SLC49A4: variants seen among roughly 807,000 people sequenced by gnomAD.
SLC49A4 encodes the protein disrupted in renal cancer protein 2.
A neutral mutation model predicts 50.6 loss-of-function variants in SLC49A4; 36 were observed. The ratio of observed to expected loss-of-function variants is 0.71; its 90% confidence interval spans 0.55 to 0.94. The LOEUF (loss-of-function observed/expected upper bound fraction) is 0.94, where lower values mean the gene tolerates loss of function less well. SLC49A4 is among the 40% of genes least tolerant of loss of function. The pLI is 0.00. For synonymous variants in SLC49A4, 248 were observed against 241.2 expected (o/e 1.03, Z -0.26); for missense variants, 503 against 605.7 (o/e 0.83, Z 1.78).
chr3:122,817,299 C>T (rs914442607), intron 2 of SLC49A4, among the ~76,000 whole-genome samples: 26 of 152,100 alleles, frequency 1.7e-4, no homozygotes, highest in Non-Finnish European at 3.5e-4. Context: ...AGGAAGAGGG[C>T]CCTGAGCCAA....
At chr3:122,809,421 C>T (rs1936266716) in intron 2 of SLC49A4, among the ~76,000 whole-genome samples, 1 of 152,102 alleles carries the variant, frequency 6.6e-6, no homozygotes, top group African/African-American at 2.4e-5. Flanking sequence ...ACACTGCTTT[C>T]TTTTAAAATG....
chr3:122,806,881 C>T lies in SLC49A4; in HGVS notation c.368C>T (p.Thr123Ile), dbSNP rs1373440447. ...KRGLRITVLL[T>I]SFLMVLGTGL... is the part of the protein sequence containing the mutation. ...GGTCTCCGGATAACTGTGCTCCTGA[C>T]ATCCTTCCTTATGGTTTTGGGAACT... Residue 123 changes from threonine (T) to isoleucine (I), a missense_variant, in exon 2 of 9, where the codon ACA becomes ATA. Transcript: ENST00000261038. 6 of 1,609,586 alleles carry T rather than the reference C, an allele frequency of 3.7e-6. No homozygotes were observed. Among genetic ancestry groups the T allele is most frequent in the Non-Finnish European group, 4.3e-6 (5 of 1,176,162 alleles).
intron 5 of SLC49A4, among the ~76,000 whole-genome samples, chr3:122,846,734 G>A (rs1936858573): frequency 6.6e-6 from 1 of 152,202 alleles, no homozygotes; most frequent in South Asian, 2.1e-4. Flanking sequence ...TAGCTGTGCA[G>A]TTGTATGCCA....
chr3:122,828,899 C>T (rs945867883), intron 3 of SLC49A4, among the ~76,000 whole-genome samples: 1 of 151,990 alleles, frequency 6.6e-6, no homozygotes, highest in Non-Finnish European at 1.5e-5. Context: ...TGATGTTAAG[C>T]ACTGTTAAGC....
chr3:122,865,358 A>G (rs1334908135), intron 7 of SLC49A4, among the ~76,000 whole-genome samples: 1 of 152,196 alleles, frequency 6.6e-6, no homozygotes, highest in Non-Finnish European at 1.5e-5. Context: ...GCGTTCCATG[A>G]TTTAATAGTA....
chr3:122,824,808 C>T (rs1936504483), intron 2 of SLC49A4, among the ~76,000 whole-genome samples: 1 of 145,554 alleles, frequency 6.9e-6, no homozygotes, highest in Non-Finnish European at 1.5e-5. Context: ...TCTCTGCTCA[C>T]TGCAACCTCT....
At chr3:122,845,977 G>A (rs1242545030) in intron 5 of SLC49A4, 106 bp downstream of exon 5, 4 of 614,372 alleles carry the variant, frequency 6.5e-6, no homozygotes, top group Non-Finnish European at 7.6e-6. Context: ...GTAAAACATC[G>A]TCCTATACCA....
At chr3:122,865,298 A>G (rs914373263) in intron 7 of SLC49A4, among the ~76,000 whole-genome samples, 41 of 152,244 alleles carry the variant, frequency 2.7e-4, no homozygotes, top group African/African-American at 9.6e-4. Context: ...TAAGTCTTGC[A>G]GCAGATTCTG....
rs35644046 is a variant in SLC49A4 at position 122,844,872 on chromosome 3, A to AAT, written c.834-875_834-874dup. On this transcript the variant is annotated intron_variant, in intron 4 of 8. Coordinates refer to ENST00000261038, the MANE Select transcript of SLC49A4 (RefSeq NM_032839.3). ...GCTTGCCACTTTGAGCTTCTTGAAG[A>AAT]ATATATATATATATATACCTGTACA... Among the ~76,000 whole-genome samples the AAT allele has an allele frequency of 4.1e-3, 624 of 150,384 alleles. 5 individuals carry two copies. The highest frequency in any genetic ancestry group is 0.022 in the East Asian group (113 of 5,132).
chr3:122,856,383 A>G lies in SLC49A4; in HGVS notation c.1010+9A>G, dbSNP rs759906822. The stretch of plus-strand genomic sequence containing the variant: ...GGAATAGCTATGGCAAGGTGAGAAT[A>G]TTTTGTTAAACTTGTGAGTGGACAG... On this transcript the variant is annotated intron_variant, in intron 6 of 8. Transcript: ENST00000261038. 31 of 1,613,516 alleles carry G rather than the reference A, an allele frequency of 1.9e-5. No individual in the cohort carries two copies. The East Asian group carries it at 6.9e-4, about 36-fold the overall frequency.
At chr3:122,824,662 G>A (rs13086824) in intron 2 of SLC49A4, among the ~76,000 whole-genome samples, 13,134 of 103,848 alleles carry the variant, frequency 0.13, 656 homozygotes, top group Admixed American at 0.18. Flanking sequence ...CCTCCCTCTC[G>A]TCTTTCCTTC....
Position 122,881,091 on chromosome 3 carries a change from T to A in SLC49A4, c.*1713T>A, listed in dbSNP as rs755873757. 2.0e-5 allele frequency: 3 copies of A among 152,100 alleles called. No homozygotes were observed. Among genetic ancestry groups the A allele is most frequent in the Non-Finnish European group, 4.4e-5 (3 of 68,030 alleles). 9.4% of individuals were successfully genotyped at this position (152,100 alleles called of 1,614,324 possible). On this transcript the variant is annotated 3_prime_UTR_variant, in exon 9 of 9. Coordinates refer to ENST00000261038, the MANE Select transcript of SLC49A4 (RefSeq NM_032839.3). ...AGAAGAAAACAAAAGCTAGACTTAG[T>A]TCCAGTTAATTCTGTTATTCTTCTG... is the stretch of plus-strand genomic sequence containing the variant.
rs777996237 is a variant in SLC49A4, at chr3:122,826,988, A to G, written c.626A>G (p.Asn209Ser). 31 of 1,614,026 alleles carry G rather than the reference A, an allele frequency of 1.9e-5. No homozygotes were observed. The highest frequency in any genetic ancestry group is 5.5e-5 in the South Asian group (5 of 91,090). The change falls in exon 3 of 9, where the codon AAT becomes AGT. Residue 209 changes from asparagine (N) to serine (S), a missense_variant. Physicochemically the swap from Asn to Ser is conservative, Grantham distance 46. Coordinates refer to ENST00000261038, the MANE Select transcript of SLC49A4 (RefSeq NM_032839.3). ...GGACCACTTGTTGTTCCAGCTCCCA[A>G]TGGGACATCACCTCTTCTTGCTGCA... ...LVGPLVVPAP[N>S]GTSPLLAAES...
chr3:122,867,382 ATAT>A (rs1394483711), intron 7 of SLC49A4, among the ~76,000 whole-genome samples: 1 of 152,208 alleles, frequency 6.6e-6, no homozygotes, highest in Admixed American at 6.5e-5. Flanking sequence ...AGCCTTAATC[ATAT>A]TATTAGCACT....
intron 2 of SLC49A4, among the ~76,000 whole-genome samples, chr3:122,818,324 T>C (rs1488302630): frequency 6.6e-6 from 1 of 152,186 alleles, no homozygotes; most frequent in African/African-American, 2.4e-5. Context: ...TACGATTAAG[T>C]ATTGATTGAT....
chr3:122,860,910 A>G (rs1937051523), intron 7 of SLC49A4, among the ~76,000 whole-genome samples: 2 of 152,182 alleles, frequency 1.3e-5, no homozygotes, highest in African/African-American at 2.4e-5. Context: ...GACTCTAGGG[A>G]AGAATCTTTT....
intron 1 of SLC49A4, among the ~76,000 whole-genome samples, chr3:122,799,755 T>G (rs908564396): frequency 6.6e-6 from 1 of 152,144 alleles, no homozygotes; most frequent in African/African-American, 2.4e-5. Flanking sequence ...AGTGGAGGAT[T>G]TGAGAAGTGG....
At position 122,795,541 on chromosome 3, in the gene SLC49A4, G is replaced by C; in HGVS notation, c.343+6G>C. The C allele has an allele frequency of 6.3e-7, 1 of 1,585,310 alleles. No individual in the cohort carries two copies. Among genetic ancestry groups the C allele is most frequent in the Non-Finnish European group, 8.5e-7 (1 of 1,173,722 alleles). The stretch of plus-strand genomic sequence containing the variant: ...GTGGCTCCTGGACAAGAGAGGTGAG[G>C]GGTCGCGGAGCGCCAGCCCGCGCTG... On this transcript the variant is annotated splice_donor_region_variant and intron_variant, in intron 1 of 8. Transcript: ENST00000261038.
intron 2 of SLC49A4, among the ~76,000 whole-genome samples, chr3:122,818,943 TC>T (rs983713464): frequency 1.4e-5 from 2 of 144,496 alleles, no homozygotes; most frequent in Admixed American, 6.9e-5. Flanking sequence ...TGAGATTCTG[TC>T]CCCCCCAAAA....
Sources: allele counts gnomAD v4.1 joint callset (sites outside exome capture counted in the v4.1 genomes callset), GRCh38; gene constraint gnomAD v4.1.1; transcripts MANE v1.5; gene names NCBI Gene and HGNC (gene_info 2026-07-23, HGNC 2026-07-21).